PRAG1: variants seen among roughly 807,000 people sequenced by gnomAD.
PRAG1 encodes the protein PEAK1 related, kinase-activating pseudokinase 1, also known as inactive tyrosine-protein kinase PRAG1.
Under a neutral mutation model 95.6 loss-of-function variants are expected in PRAG1, and 110 were observed. The observed-to-expected ratio is 1.15, with a 90% CI of 0.99 to 1.35. The LOEUF is 1.35. Among genes scored for constraint, PRAG1 ranks in the 40% most tolerant of loss-of-function variants. PRAG1 has a pLI of 0.00. For missense variants in PRAG1, 2,554 were observed against 1,864.7 expected, an observed-to-expected ratio of 1.37 and a Z score of -6.81; for synonymous variants, 1,052 against 819.4, an observed-to-expected ratio of 1.28 and a Z score of -4.85.
At chr8:8,372,475 C>T (rs1400500143) in intron 3 of PRAG1, among the ~76,000 whole-genome samples, 1 of 152,200 alleles carries the variant, frequency 6.6e-6, no homozygotes, top group Non-Finnish European at 1.5e-5. Context: ...CTGTGAGATC[C>T]ATCATTCTTA....
chr8:8,377,420 A>C lies in PRAG1; in HGVS notation c.989T>G (p.Leu330Arg). The C allele has an allele frequency of 6.4e-7, 1 of 1,567,696 alleles. No homozygotes were observed. Among genetic ancestry groups the C allele is most frequent in the Non-Finnish European group, 8.6e-7 (1 of 1,157,950 alleles). Reference protein sequence around the residue: ...PSCLGPKKLSLTSEAAISSDG... With the variant: ...PSCLGPKKLSRTSEAAISSDG... ...GGAAGAAATGGCAGCCTCCGAGGTGAGGGACAGTTTCTTGGGGCCCAGGCA... is the reference window on the plus strand; with the variant it reads ...GGAAGAAATGGCAGCCTCCGAGGTGCGGGACAGTTTCTTGGGGCCCAGGCA... The change falls in exon 3 of 6, where the codon CTC (leucine) becomes CGC (arginine). Residue 330 changes from leucine to arginine, a missense_variant. Leu to Arg is a moderately radical substitution (Grantham distance 102). Coordinates refer to ENST00000615670, the MANE Select transcript of PRAG1 (RefSeq NM_001080826.3).
chr8:8,381,635 C>T lies in PRAG1; in HGVS notation c.113G>A (p.Ser38Asn). The T allele has an allele frequency of 6.2e-7, 1 of 1,613,910 alleles. No individual in the cohort carries two copies. Among genetic ancestry groups the T allele is most frequent in the Non-Finnish European group, 8.5e-7 (1 of 1,179,860 alleles). Reference sequence around the variant, plus strand: ...AGGGCCGGCCACCAGCTGGTGGTCGCTCCGCAGGCAGAAGCAGTTCTTGCA... The same window carrying T: ...AGGGCCGGCCACCAGCTGGTGGTCGTTCCGCAGGCAGAAGCAGTTCTTGCA... ...GSCKNCFCLR[S>N]DHQLVAGPPQ... The change falls in exon 2 of 6, where the codon AGC (serine) becomes AAC (asparagine). Residue 38 changes from serine to asparagine, a missense_variant. By Grantham distance (46) the Ser-to-Asn change is conservative (BLOSUM62 1). Coordinates refer to ENST00000615670, the MANE Select transcript of PRAG1 (RefSeq NM_001080826.3).
intron 4 of PRAG1, among the ~76,000 whole-genome samples, chr8:8,336,117 T>A (rs1397026181): frequency 6.6e-6 from 1 of 152,206 alleles, no homozygotes; most frequent in African/African-American, 2.4e-5. Flanking sequence ...TGAACTGTAT[T>A]TTCAGACTTC....
chr8:8,347,557 A>G (rs17150346), intron 3 of PRAG1, among the ~76,000 whole-genome samples: 2,502 of 152,174 alleles, frequency 0.016, 73 homozygotes, highest in African/African-American at 0.055. Flanking sequence ...TCATTAAGCA[A>G]TTCGAGTTTT....
At position 8,377,146 on chromosome 8, in the gene PRAG1, C is replaced by CT; in HGVS notation, c.1262dup (p.Ala422GlyfsTer28). ...GTGACTTGGAAGGCACCGGAGCTGC[C>CT]TTCTTCCTCTTGGTGCTCTCAGCAT... On this transcript the variant is annotated frameshift_variant, in exon 3 of 6. Coordinates refer to ENST00000615670, the MANE Select transcript of PRAG1 (RefSeq NM_001080826.3). LOFTEE classifies it high-confidence loss of function. 6.2e-7 allele frequency: 1 copy of CT among 1,612,294 alleles called. No individual in the cohort carries two copies.
intron 3 of PRAG1, among the ~76,000 whole-genome samples, chr8:8,365,790 C>CTATATATA (rs60657487): frequency 7.5e-4 from 111 of 148,546 alleles, no homozygotes; most frequent in African/African-American, 2.2e-3. Context: ...TGGTGAAACC[C>CTATATATA]TATATATATA....
rs375503401 is a variant in PRAG1, at chr8:8,377,957, C to T, written c.452G>A (p.Gly151Asp). The change falls in exon 3 of 6, where the codon GGC becomes GAC. Residue 151 changes from glycine to aspartate, a missense_variant. Physicochemically the swap from Gly to Asp is moderately conservative, Grantham distance 94. Coordinates refer to ENST00000615670, the MANE Select transcript of PRAG1 (RefSeq NM_001080826.3). ...GTAAGCTGGGGGACAGCGAGAATTG[C>T]CATCAGGGGAGGTAGAGGGACCAGC... ...KPAGPSTSPD[G>D]NSRCPPAYTM... 1.2e-5 allele frequency: 20 copies of T among 1,613,702 alleles called. No homozygotes were observed. The highest frequency in any genetic ancestry group is 1.6e-5 in the Non-Finnish European group (19 of 1,179,940).
At position 8,376,342 on chromosome 8, in the gene PRAG1, G is replaced by C; in HGVS notation, c.2067C>G (p.Thr689=). Residue 689 remains threonine (T), a synonymous_variant, in exon 3 of 6, where the codon ACC becomes ACG. Coordinates refer to ENST00000615670, the MANE Select transcript of PRAG1 (RefSeq NM_001080826.3). ...GSSGQNSKVG[T]GMSKSASFAF... ...CAAAAGAGGCGGATTTGCTCATCCC[G>C]GTCCCAACTTTGCTGTTCTGCCCAG... 1 of 1,614,160 alleles carries C rather than the reference G, an allele frequency of 6.2e-7. No homozygotes were observed. The highest frequency in any genetic ancestry group is 8.5e-7 in the Non-Finnish European group (1 of 1,180,028).
intron 3 of PRAG1, among the ~76,000 whole-genome samples, chr8:8,343,547 T>G (rs1478916523): frequency 6.6e-6 from 1 of 152,226 alleles, no homozygotes; most frequent in Non-Finnish European, 1.5e-5. Flanking sequence ...TTGTAAAACT[T>G]TTGTTTCAGA....
intron 3 of PRAG1, among the ~76,000 whole-genome samples, chr8:8,359,845 C>T (rs1414969842): frequency 1.3e-5 from 2 of 152,162 alleles, no homozygotes; most frequent in Admixed American, 6.5e-5. Flanking sequence ...AAACCTATAC[C>T]TAATTTATCA....
chr8:8,318,273 C>T lies in PRAG1; in HGVS notation c.4102G>A (p.Glu1368Lys). Reference sequence around the variant, plus strand: ...CCCCGCCTGCGATCCACCGCCTTCTCCGCAAACTTCATCATCATCAGGGCC... The same window carrying T: ...CCCCGCCTGCGATCCACCGCCTTCTTCGCAAACTTCATCATCATCAGGGCC... Reference protein sequence around the residue: ...KRALMMMKFAEKAVDRRRGVE... With the variant: ...KRALMMMKFAKKAVDRRRGVE... The change falls in exon 6 of 6, where the codon GAG (glutamate) becomes AAG (lysine). Residue 1368 changes from glutamate to lysine, a missense_variant. By Grantham distance (56) the Glu-to-Lys change is moderately conservative (BLOSUM62 1). Coordinates refer to ENST00000615670, the MANE Select transcript of PRAG1 (RefSeq NM_001080826.3). This position sits in a 1 kb window ranked among gnomAD's most constrained non-coding sequence, Gnocchi z 4.2. 1 of 1,614,216 alleles carries T rather than the reference C, an allele frequency of 6.2e-7. No individual in the cohort carries two copies. The highest frequency in any genetic ancestry group is 8.5e-7 in the Non-Finnish European group (1 of 1,180,016).
At position 8,318,761 on chromosome 8, in the gene PRAG1, C is replaced by T. The variant is rs200355456; in HGVS notation, c.3614G>A (p.Arg1205Gln). 11 of 1,579,878 alleles carry T rather than the reference C, an allele frequency of 7.0e-6. No homozygotes were observed. Among genetic ancestry groups the T allele is most frequent in the Admixed American group, 1.8e-5 (1 of 57,142 alleles). Reference protein sequence around the residue: ...AAGPASPEGPREKQLPRLIIS... With the variant: ...AAGPASPEGPQEKQLPRLIIS... ...GATGAGCCGGGGCAGCTGCTTCTCC[C>T]GGGGCCCTTCCGGGGAGGCGGGGCC... is the stretch of plus-strand genomic sequence containing the variant. Residue 1205 changes from arginine to glutamine, a missense_variant, in exon 6 of 6, where the codon CGG (arginine) becomes CAG (glutamine). By Grantham distance (43) the Arg-to-Gln change is conservative. Coordinates refer to ENST00000615670, the MANE Select transcript of PRAG1 (RefSeq NM_001080826.3). The surrounding 1 kb of genome is among the most constrained non-coding windows in gnomAD (Gnocchi z 4.2).
At chr8:8,336,027 A>G (rs1798972329) in intron 4 of PRAG1, among the ~76,000 whole-genome samples, 1 of 152,220 alleles carries the variant, frequency 6.6e-6, no homozygotes, top group African/African-American at 2.4e-5. Flanking sequence ...AGTGTTCTGT[A>G]TCTCTGGTTT....
chr8:8,346,151 C>CT lies in PRAG1; in HGVS notation c.2163-6517dup, dbSNP rs532951661. On this transcript the variant is annotated intron_variant, in intron 3 of 5. Transcript: ENST00000615670. Reference sequence around the variant, plus strand: ...ATGCGGTATAACAAGACTACTTAGCCTTTTTTAAAGGCACTTTTCCTTCAT... The same window carrying CT: ...ATGCGGTATAACAAGACTACTTAGCCTTTTTTTAAAGGCACTTTTCCTTCAT... Among the ~76,000 whole-genome samples, 459 of 152,288 alleles carry CT rather than the reference C, an allele frequency of 3.0e-3. 5 individuals are homozygous for CT. The highest frequency in any genetic ancestry group is 0.011 in the African/African-American group (440 of 41,572).
Position 8,318,245 on chromosome 8 carries a change from A to T in PRAG1, c.4130T>A (p.Val1377Glu), listed in dbSNP as rs764057417. 6.2e-7 allele frequency: 1 copy of T among 1,614,098 alleles called. No homozygotes were observed. The highest frequency in any genetic ancestry group is 8.5e-7 in the Non-Finnish European group (1 of 1,179,994). The change falls in exon 6 of 6, where the codon GTG becomes GAG. Residue 1377 changes from valine to glutamate, a missense_variant. Transcript: ENST00000615670. The surrounding 1 kb of genome is among the most constrained non-coding windows in gnomAD (Gnocchi z 4.2). Reference protein sequence around the residue: ...AEKAVDRRRGVELEDWLCCQY... With the variant: ...AEKAVDRRRGEELEDWLCCQY... ...GCAGCAAAGCCAGTCCTCCAGCTCC[A>T]CGCCCCGCCTGCGATCCACCGCCTT...
chr8:8,345,367 CAAA>C (rs202100503), intron 3 of PRAG1, among the ~76,000 whole-genome samples: 6 of 79,082 alleles, frequency 7.6e-5, no homozygotes, highest in Non-Finnish European at 1.4e-4. Context: ...CCTGTCTCTA[CAAA>C]AAAAAAAAAA....
Position 8,376,501 on chromosome 8 carries a change from C to G in PRAG1, c.1908G>C (p.Gln636His), listed in dbSNP as rs1434222909. 2.5e-6 allele frequency: 4 copies of G among 1,612,144 alleles called. No homozygotes were observed. The highest frequency in any genetic ancestry group is 3.4e-6 in the Non-Finnish European group (4 of 1,178,740). ...CCTCCTCTTCTTCCTCTATCCGGCA[C>G]TGACGACTCCAGGTGCCTGCCTGGA... is the stretch of plus-strand genomic sequence containing the variant. Reference protein sequence around the residue: ...PRFQAGTWSRQCRIEEEEEVE... With the variant: ...PRFQAGTWSRHCRIEEEEEVE... The change falls in exon 3 of 6, where the codon CAG becomes CAC. Residue 636 changes from glutamine to histidine, a missense_variant. Coordinates refer to ENST00000615670, the MANE Select transcript of PRAG1 (RefSeq NM_001080826.3).
At chr8:8,326,400 G>A (rs1798639046) in intron 5 of PRAG1, among the ~76,000 whole-genome samples, 1 of 152,028 alleles carries the variant, frequency 6.6e-6, no homozygotes, top group Non-Finnish European at 1.5e-5. Context: ...GGAAAAAAAA[G>A]CGATGTCTTA....
chr8:8,326,849 C>A (rs764483621), intron 5 of PRAG1, among the ~76,000 whole-genome samples: 61 of 152,216 alleles, frequency 4.0e-4, no homozygotes, highest in Non-Finnish European at 8.5e-4. Flanking sequence ...GATCCTCCAT[C>A]TGTAAAACCT....
Sources: allele counts gnomAD v4.1 joint callset (sites outside exome capture counted in the v4.1 genomes callset), GRCh38; gene constraint gnomAD v4.1.1; non-coding constraint Gnocchi (gnomAD v3.1); transcripts MANE v1.5; gene names NCBI Gene and HGNC (gene_info 2026-07-23, HGNC 2026-07-21).